Variants in TSEN54 observed in about 807,000 individuals in gnomAD.
TSEN54 encodes tRNA splicing endonuclease subunit 54.
Under a neutral mutation model 61.9 loss-of-function variants are expected in TSEN54, and 55 were observed. The observed-to-expected ratio is 0.89, with a 90% CI of 0.72 to 1.11. The LOEUF (loss-of-function observed/expected upper bound fraction) is 1.11. Among genes scored for constraint, TSEN54 ranks in the 50% most tolerant of loss-of-function variants. The pLI is 0.00. For missense variants in TSEN54, 760 were observed against 687.7 expected, an observed-to-expected ratio of 1.11 and a Z score of -1.18; for synonymous variants, 304 against 288.7, an observed-to-expected ratio of 1.05 and a Z score of -0.54.
chr17:75,521,572 A>G (rs909492539), intron 7 of TSEN54, 62 bp downstream of exon 7: 1 of 1,587,692 alleles, frequency 6.3e-7, no homozygotes, highest in Admixed American at 1.7e-5. Flanking sequence ...TGGAAAATGC[A>G]CAGGCTTTCT....
At chr17:75,522,672 A>G (rs558023945) in intron 8 of TSEN54, 1 of 330,692 alleles carries the variant, frequency 3.0e-6, no homozygotes, top group African/African-American at 2.2e-5. Context: ...AGTGAAAGAA[A>G]GGCTTGCTGT....
intron 8 of TSEN54, chr17:75,522,626 C>CAGGTTGGGAT: frequency 9.0e-7 from 1 of 1,117,258 alleles, no homozygotes; most frequent in Non-Finnish European, 1.2e-6. Flanking sequence ...GTGATCCCAA[C>CAGGTTGGGAT]CTGTTAGATG....
chr17:75,518,046 C>A (rs1173662389), intron 5 of TSEN54, among the ~76,000 whole-genome samples: 1 of 152,174 alleles, frequency 6.6e-6, no homozygotes, highest in Non-Finnish European at 1.5e-5. Flanking sequence ...CCAGGATTAC[C>A]GCCCATGATT....
In TSEN54 at chr17:75,521,983, T is replaced by A; in HGVS notation, c.902T>A (p.Ile301Asn). Residue 301 changes from isoleucine to asparagine, a missense_variant, in exon 8 of 11, where the codon ATC becomes AAC. Physicochemically the swap from Ile to Asn is moderately radical, Grantham distance 149. Coordinates refer to ENST00000333213, the MANE Select transcript of TSEN54 (RefSeq NM_207346.3). Reference sequence around the variant, plus strand: ...AAGCGGCGCTGGAACTTCGAGCAGATCTCCTTCCCCAACATGGCTTCAGAC... The same window carrying A: ...AAGCGGCGCTGGAACTTCGAGCAGAACTCCTTCCCCAACATGGCTTCAGAC... ...AGKRRWNFEQ[I>N]SFPNMASDSR... 1 of 1,606,430 alleles carries A rather than the reference T, an allele frequency of 6.2e-7. No homozygotes were observed. The highest frequency in any genetic ancestry group is 1.3e-5 in the African/African-American group (1 of 74,690).
At chr17:75,524,005 A>C (rs1458473587) in intron 10 of TSEN54, among the ~76,000 whole-genome samples, 2 of 152,164 alleles carry the variant, frequency 1.3e-5, no homozygotes, top group Non-Finnish European at 2.9e-5. Context: ...ATGCCATTTT[A>C]GTCTAGGACT....
intron 5 of TSEN54, chr17:75,518,388 G>T (rs1392896290): frequency 1.5e-5 from 5 of 331,890 alleles, no homozygotes; most frequent in Non-Finnish European, 4.3e-6. Flanking sequence ...ATAAGAAGCA[G>T]AAACAGACCG....
At chr17:75,517,119 TGCCCTCCCTCC>T (rs754165336) in intron 3 of TSEN54, 31 bp from the exon 4 acceptor site, 32 of 1,086,926 alleles carry the variant, frequency 2.9e-5, no homozygotes, top group Non-Finnish European at 4.0e-5. Flanking sequence ...CTGCCCTCCC[TGCCCTCCCTCC>T]CTTGTGACAC....
chr17:75,519,398 T>C (rs1414900363), intron 6 of TSEN54, among the ~76,000 whole-genome samples: 2 of 152,192 alleles, frequency 1.3e-5, no homozygotes, highest in African/African-American at 4.8e-5. Context: ...GGGTGAAGAA[T>C]TTACCATTAG....
At chr17:75,518,662 G>A (rs1262396626) in intron 5 of TSEN54, 1 of 985,316 alleles carries the variant, frequency 1.0e-6, no homozygotes, top group East Asian at 1.1e-4. Context: ...TTCACATGGT[G>A]ATCGGCAGCT....
intron 6 of TSEN54, 78 bp from the exon 7 acceptor site, chr17:75,521,331 C>T: frequency 8.1e-7 from 1 of 1,241,592 alleles, no homozygotes; most frequent in East Asian, 2.3e-5. Context: ...TCCTCTTGGC[C>T]CGTTTCCTTA....
intron 6 of TSEN54, among the ~76,000 whole-genome samples, chr17:75,519,683 C>T (rs1229637105): frequency 6.6e-6 from 1 of 152,234 alleles, no homozygotes; most frequent in African/African-American, 2.4e-5. Flanking sequence ...CTGCCTCAGC[C>T]TCCCAAGTAG....
chr17:75,518,906 G>A, intron 5 of TSEN54, 89 bp from the exon 6 acceptor site: 1 of 1,603,634 alleles, frequency 6.2e-7, no homozygotes, highest in Non-Finnish European at 8.5e-7. Context: ...GGGGCAGAGA[G>A]GGCTGTGGGG....
rs1471051719 is a variant in TSEN54 at position 75,516,575 on chromosome 17, C to G, written c.15C>G (p.Pro5=). 2 of 1,153,076 alleles carry G rather than the reference C, an allele frequency of 1.7e-6. No homozygotes were observed. Among genetic ancestry groups the G allele is most frequent in the Non-Finnish European group, 2.1e-6 (2 of 938,970 alleles). 71.4% of individuals were successfully genotyped at this position (1,153,076 alleles called of 1,614,324 possible). A position where few individuals can be genotyped will look rare whatever the true frequency, so the allele number is the denominator to read the frequency against. The change falls in exon 1 of 11, where the codon CCC becomes CCG. Residue 5 remains proline (P), a synonymous_variant. Transcript: ENST00000333213. ...GCGGCGGCGGGATGGAGCCCGAGCC[C>G]GAGCCCGCGGCCGTGGAGGTTCCCG... MEPE[P]EPAAVEVPAG...
At position 75,521,345 on chromosome 17, in the gene TSEN54, A is replaced by G. The variant is rs145821642; in HGVS notation, c.522-64A>G. ...GTCCTCTTGGCCCGTTTCCTTACAC[A>G]TCCCACCAGATCCCCAGGCTGAGGA... On this transcript the variant is annotated intron_variant, in intron 6 of 10. Transcript: ENST00000333213. The G allele has an allele frequency of 5.2e-3, 7,247 of 1,380,810 alleles. 188 individuals are homozygous for G. Among genetic ancestry groups the G allele is most frequent in the East Asian group, 0.041 (1,776 of 43,702 alleles). 85.5% of individuals were successfully genotyped at this position (1,380,810 alleles called of 1,614,324 possible).
rs572964665 is a variant in TSEN54 at position 75,522,264 on chromosome 17, C to T, written c.1183C>T (p.Arg395Cys). 63 of 1,546,666 alleles carry T rather than the reference C, an allele frequency of 4.1e-5. No homozygotes were observed. The highest frequency in any genetic ancestry group is 2.0e-4 in the Middle Eastern group (1 of 5,116). Residue 395 changes from arginine (R) to cysteine (C), a missense_variant, in exon 8 of 11, where the codon CGC becomes TGC. Arg to Cys is a radical substitution (Grantham distance 180). This residue lies in a region of TSEN54 where 667 missense variants were observed against 577.8 expected (regional missense o/e 1.15). Coordinates refer to ENST00000333213, the MANE Select transcript of TSEN54 (RefSeq NM_207346.3). ...LQRRQVQRSQRRAPHLWGQPV... is the reference protein window; with the variant it reads ...LQRRQVQRSQCRAPHLWGQPV... Reference sequence around the variant, plus strand: ...GCGGCGGCAGGTGCAGAGGAGCCAGCGCCGGGCCCCTCACCTGTGGGGCCA... The same window carrying T: ...GCGGCGGCAGGTGCAGAGGAGCCAGTGCCGGGCCCCTCACCTGTGGGGCCA...
intron 2 of TSEN54, 38 bp from the exon 3 acceptor site, chr17:75,516,971 G>C: frequency 6.4e-7 from 1 of 1,555,210 alleles, no homozygotes; most frequent in South Asian, 1.2e-5. Context: ...GGGGTCTCCG[G>C]AATGGACTGA....
In TSEN54 at chr17:75,524,457, A is replaced by C; in HGVS notation, c.*45A>C. 1.2e-6 allele frequency: 2 copies of C among 1,612,400 alleles called. No homozygotes were observed. The highest frequency in any genetic ancestry group is 1.7e-6 in the Non-Finnish European group (2 of 1,179,662). On this transcript the variant is annotated 3_prime_UTR_variant, in exon 11 of 11. Transcript: ENST00000333213. ...ATGGAGCTTGCTCCGGGGGACCGGG[A>C]CTGTCTGTTCTCAGGGACCATCTCG...
At position 75,516,548 on chromosome 17, in the gene TSEN54, A is replaced by T; in HGVS notation, c.-13A>T. Reference sequence around the variant, plus strand: ...GGGGCGTGGCGGCGCGCGCAGCGGCAGGCGGCGGCGGGATGGAGCCCGAGC... The same window carrying T: ...GGGGCGTGGCGGCGCGCGCAGCGGCTGGCGGCGGCGGGATGGAGCCCGAGC... On this transcript the variant is annotated 5_prime_UTR_variant, in exon 1 of 11. Coordinates refer to ENST00000333213, the MANE Select transcript of TSEN54 (RefSeq NM_207346.3). 3 of 1,122,040 alleles carry T rather than the reference A, an allele frequency of 2.7e-6. No homozygotes were observed. Among genetic ancestry groups the T allele is most frequent in the Non-Finnish European group, 3.3e-6 (3 of 920,048 alleles). 69.5% of individuals were successfully genotyped at this position (1,122,040 alleles called of 1,614,324 possible).
chr17:75,521,970 A>G lies in TSEN54; in HGVS notation c.889A>G (p.Asn297Asp). The G allele has an allele frequency of 6.2e-7, 1 of 1,608,710 alleles. No homozygotes were observed. The highest frequency in any genetic ancestry group is 1.7e-5 in the Admixed American group (1 of 59,534). The change falls in exon 8 of 11, where the codon AAC becomes GAC. Residue 297 changes from asparagine to aspartate, a missense_variant. Asn to Asp is a conservative substitution (Grantham distance 23, BLOSUM62 1). Around this residue, in one of 3 missense-constraint regions of TSEN54, gnomAD observed 667 missense variants for 577.8 expected, o/e 1.15. Transcript: ENST00000333213. ...GVTGAGKRRW[N>D]FEQISFPNMA... ...CACGGGAGCCGGTAAGCGGCGCTGG[A>G]ACTTCGAGCAGATCTCCTTCCCCAA...
Sources: allele counts gnomAD v4.1 joint callset (sites outside exome capture counted in the v4.1 genomes callset), GRCh38; gene constraint gnomAD v4.1.1; regional missense constraint gnomAD v4.1.1; transcripts MANE v1.5; gene names NCBI Gene and HGNC (gene_info 2026-07-23, HGNC 2026-07-21).